Variants in ASB5 observed in about 807,000 individuals in gnomAD.
ASB5 encodes the protein ankyrin repeat and SOCS box protein 5.
ASB5 carries 45 observed loss-of-function variants against 42.1 expected under a neutral mutation model. That is an observed-to-expected ratio of 1.07 (90% CI 0.84 to 1.37). ASB5 has a LOEUF of 1.37. Among genes scored for constraint, ASB5 ranks in the 40% most tolerant of loss-of-function variants. The probability of loss-of-function intolerance (pLI) is 0.00; values close to 1 mark genes in which losing one functional copy is unlikely to be tolerated. For synonymous variants in ASB5, 147 were observed against 150.6 expected, an observed-to-expected ratio of 0.98 and a Z score of 0.18; for missense variants, 402 against 399.8, an observed-to-expected ratio of 1.01 and a Z score of -0.05.
chr4:176,216,725 G>T, intron 6 of ASB5, 93 bp downstream of exon 6: 1 of 1,058,052 alleles, frequency 9.5e-7, no homozygotes, highest in Non-Finnish European at 1.4e-6. Context: ...TTATGCCATT[G>T]TTACTTTCCA....
At chr4:176,224,636 G>A (rs1316115533) in intron 2 of ASB5, among the ~76,000 whole-genome samples, 1 of 151,972 alleles carries the variant, frequency 6.6e-6, no homozygotes, top group Admixed American at 6.6e-5. Flanking sequence ...GCCTCCCAAA[G>A]TGCTGGAATC....
chr4:176,250,064 CA>C (rs5864368), intron 1 of ASB5, among the ~76,000 whole-genome samples: 30 of 126,792 alleles, frequency 2.4e-4, no homozygotes, highest in South Asian at 2.2e-3. Flanking sequence ...GACTCCATCT[CA>C]AAAAAAAAAA....
intron 5 of ASB5, among the ~76,000 whole-genome samples, chr4:176,218,013 TC>T (rs1197751083): frequency 2.0e-5 from 3 of 151,090 alleles, no homozygotes; most frequent in Non-Finnish European, 4.4e-5. Context: ...AAAATTATAT[TC>T]CATAACAAAA....
At chr4:176,270,809 T>C (rs1304650832), upstream of ASB5, among the ~76,000 whole-genome samples, 1 of 152,212 alleles carries the variant, frequency 6.6e-6, no homozygotes, top group Non-Finnish European at 1.5e-5. Flanking sequence ...TGATGATGCC[T>C]GACTCCACAC....
rs140022529 is a variant in ASB5, at chr4:176,268,912, C to A, written c.196+1G>T. 6.2e-7 allele frequency: 1 copy of A among 1,604,486 alleles called. No individual in the cohort carries two copies. The highest frequency in any genetic ancestry group is 8.5e-7 in the Non-Finnish European group (1 of 1,175,478). On this transcript the variant is annotated splice_donor_variant, in intron 1 of 6. Transcript: ENST00000296525. LOFTEE classifies it high-confidence loss of function. ...ACAAGAGAGGATTATCATAAACATA[C>A]CTTGTCCTTGGGTTACTCCATAAAA...
At chr4:176,259,661 G>A (rs1388199757) in intron 1 of ASB5, among the ~76,000 whole-genome samples, 1 of 152,210 alleles carries the variant, frequency 6.6e-6, no homozygotes, top group Non-Finnish European at 1.5e-5. Context: ...GTGAAGAGCA[G>A]ATTTCCAATG....
intron 1 of ASB5, among the ~76,000 whole-genome samples, chr4:176,264,612 A>C (rs899676373): frequency 1.3e-5 from 2 of 152,194 alleles, no homozygotes; most frequent in Admixed American, 6.5e-5. Context: ...GATATTTCCC[A>C]GTAGGGATAG....
At chr4:176,224,221 A>ATTTTTTTTTT (rs869080360) in intron 2 of ASB5, among the ~76,000 whole-genome samples, 8 of 87,232 alleles carry the variant, frequency 9.2e-5, no homozygotes, top group Non-Finnish European at 1.6e-4. Flanking sequence ...TGTGCATTTG[A>ATTTTTTTTTT]TTTTTTTTTT....
rs1433180147 is a variant in ASB5 at position 176,213,956 on chromosome 4, T to C, written c.*1644A>G. 1 of 152,140 alleles carries C rather than the reference T, an allele frequency of 6.6e-6. No homozygotes were observed. The highest frequency in any genetic ancestry group is 1.5e-5 in the Non-Finnish European group (1 of 67,974). 9.4% of individuals were successfully genotyped at this position (152,140 alleles called of 1,614,324 possible). On this transcript the variant is annotated 3_prime_UTR_variant, in exon 7 of 7. Transcript: ENST00000296525. ...GTTTTACCCAAAAGCAGCTTTAATA[T>C]CTGTTTAACCAGGTTATTCTATAAT...
At chr4:176,227,989 T>A (rs1300621750) in intron 1 of ASB5, among the ~76,000 whole-genome samples, 2 of 152,190 alleles carry the variant, frequency 1.3e-5, no homozygotes, top group African/African-American at 4.8e-5. Context: ...AGGCTGTTGC[T>A]TGACAAGATA....
At chr4:176,221,370 T>G in intron 4 of ASB5, 80 bp downstream of exon 4, 1 of 1,596,672 alleles carries the variant, frequency 6.3e-7, no homozygotes, top group Non-Finnish European at 8.5e-7. Flanking sequence ...TGTGGTGTCA[T>G]TCATTGAAAG....
intron 1 of ASB5, chr4:176,237,525 C>A: frequency 1.0e-6 from 1 of 985,700 alleles, no homozygotes; most frequent in East Asian, 1.1e-4. Flanking sequence ...TCCTTCCCTT[C>A]AGACTTTCAC....
At chr4:176,221,670 C>A in intron 3 of ASB5, 70 bp from the exon 4 acceptor site, 1 of 1,369,346 alleles carries the variant, frequency 7.3e-7, no homozygotes, top group South Asian at 1.5e-5. Flanking sequence ...TAGGCATTGT[C>A]AAAAGGTATG....
Position 176,225,330 on chromosome 4 carries a change from C to T in ASB5, c.208G>A (p.Asp70Asn), listed in dbSNP as rs374446905. ...GCTGCTTCATGTAGTGGTGATCGAT[C>T]TGCCCAGGAACCTGTCAAAAAAGAA... ...GVTQGQGSWA[D>N]RSPLHEAASQ... is the part of the protein sequence containing the mutation. Residue 70 changes from aspartate (D) to asparagine (N), a missense_variant, in exon 2 of 7, where the codon GAT becomes AAT. Physicochemically the swap from Asp to Asn is conservative, Grantham distance 23 (BLOSUM62 1). Transcript: ENST00000296525. The T allele has an allele frequency of 1.9e-6, 3 of 1,613,988 alleles. No homozygotes were observed. In the African/African-American group the frequency reaches 4.0e-5, roughly 22 times the overall value.
chr4:176,244,131 T>C (rs1753863906), intron 1 of ASB5, among the ~76,000 whole-genome samples: 1 of 152,184 alleles, frequency 6.6e-6, no homozygotes, highest in African/African-American at 2.4e-5. Context: ...TTCTTTTAAA[T>C]TTTTTTATAA....
Position 176,215,679 on chromosome 4 carries a change from T to G in ASB5, c.911A>C (p.Tyr304Ser), listed in dbSNP as rs201064608. ...AAGGTGCAATCTTGGTTTTCCTATG[T>G]AGCTTCGGATACAGAGTCGGCAAAG... is the stretch of plus-strand genomic sequence containing the variant. ...YQLCRLCIRS[Y>S]IGKPRLHLIP... Residue 304 changes from tyrosine to serine, a missense_variant, in exon 7 of 7, where the codon TAC (tyrosine) becomes TCC (serine). Coordinates refer to ENST00000296525, the MANE Select transcript of ASB5 (RefSeq NM_080874.4). The G allele has an allele frequency of 4.0e-4, 653 of 1,613,148 alleles. 3 individuals are homozygous for G. The highest frequency in any genetic ancestry group is 6.3e-5 in the Non-Finnish European group (74 of 1,179,362).
chr4:176,224,652 C>T (rs534907555), intron 2 of ASB5, among the ~76,000 whole-genome samples: 1 of 152,116 alleles, frequency 6.6e-6, no homozygotes, highest in Admixed American at 6.5e-5. Context: ...GAATCACAAG[C>T]GTGAGCCATT....
At chr4:176,252,293 AACTTCCAGAATCAATATCCATTAAC>A (rs1229637959) in intron 1 of ASB5, among the ~76,000 whole-genome samples, 1 of 152,214 alleles carries the variant, frequency 6.6e-6, no homozygotes, top group Non-Finnish European at 1.5e-5. Flanking sequence ...TTTGAAAATT[AACTTCCAGAATCAATATCCATTAAC>A]ACTTATTCAG....
At chr4:176,219,285 AATAT>A (rs1252803872) in intron 5 of ASB5, among the ~76,000 whole-genome samples, 2 of 108,112 alleles carry the variant, frequency 1.8e-5, no homozygotes, top group East Asian at 2.6e-4. Flanking sequence ...ATGATATATA[AATAT>A]ATATATTTGT....
Sources: allele counts gnomAD v4.1 joint callset (sites outside exome capture counted in the v4.1 genomes callset), GRCh38; gene constraint gnomAD v4.1.1; transcripts MANE v1.5; gene names NCBI Gene and HGNC (gene_info 2026-07-23, HGNC 2026-07-21).